DAB1: variants seen among roughly 807,000 people sequenced by gnomAD.
The protein encoded by DAB1 is disabled homolog 1.
In DAB1, 15 loss-of-function variants were observed where a neutral mutation model predicts 64.6. The ratio of observed to expected loss-of-function variants is 0.23; its 90% CI spans 0.16 to 0.36. The LOEUF (loss-of-function observed/expected upper bound fraction) is 0.36, where lower values mean the gene tolerates loss of function less well. DAB1 is among the 10% of genes least tolerant of loss of function. DAB1 has a pLI of 1.00. For missense variants in DAB1, 596 were observed against 706.7 expected, an observed-to-expected ratio of 0.84 and a Z score of 1.78; for synonymous variants, 235 against 251.9, an observed-to-expected ratio of 0.93 and a Z score of 0.64.
chr1:57,933,930 C>G (rs1644987757), intron 5 of DAB1, among the ~76,000 whole-genome samples: 1 of 151,036 alleles, frequency 6.6e-6, no homozygotes, highest in African/African-American at 2.4e-5. Context: ...GAGTCTCACT[C>G]TGTCGCCCAG....
chr1:57,530,328 T>C (rs1324362775), intron 7 of DAB1, among the ~76,000 whole-genome samples: 1 of 152,210 alleles, frequency 6.6e-6, no homozygotes, highest in Non-Finnish European at 1.5e-5. Flanking sequence ...CTATGTGCAG[T>C]ATGTAAATTG....
intron 9 of DAB1, among the ~76,000 whole-genome samples, chr1:57,034,790 C>A (rs184735728): frequency 6.6e-6 from 1 of 152,128 alleles, no homozygotes; most frequent in East Asian, 1.9e-4. Flanking sequence ...TTGAGGAGAG[C>A]TTTTGGCAAT....
chr1:57,889,824 T>G (rs1644279355), intron 5 of DAB1, among the ~76,000 whole-genome samples: 1 of 143,540 alleles, frequency 7.0e-6, no homozygotes, highest in South Asian at 2.2e-4. Context: ...TGAATCACAG[T>G]CTATGTGGGT....
At position 58,486,601 on chromosome 1, in the gene DAB1, T is replaced by C. The variant is rs143718322; in HGVS notation, n.257+19459A>G. Among the ~76,000 whole-genome samples the C allele has an allele frequency of 3.7e-3, 571 of 152,308 alleles. 2 individuals are homozygous for C. The highest frequency in any genetic ancestry group is 9.7e-3 in the African/African-American group (402 of 41,568). On this transcript the variant is annotated intron_variant and non_coding_transcript_variant, in intron 3 of 20. Coordinates refer to the DAB1 transcript ENST00000485760. ...CATAGGTACTATGGATACAGCAGTG[T>C]ACAAAGGCCTTACACACTAGGGTAA...
chr1:58,318,922 G>A (rs1170415515), intron 4 of DAB1, among the ~76,000 whole-genome samples: 1 of 152,150 alleles, frequency 6.6e-6, no homozygotes, highest in Non-Finnish European at 1.5e-5. Context: ...TGATAACATT[G>A]GTTCTAGAAG....
chr1:57,840,148 C>T (rs1652984540), intron 1 of DAB1, among the ~76,000 whole-genome samples: 2 of 152,134 alleles, frequency 1.3e-5, no homozygotes, highest in South Asian at 2.1e-4. Flanking sequence ...TTTATTTAGT[C>T]AACAGGATGC....
chr1:57,654,704 ATAAC>A (rs1223862795), intron 6 of DAB1, among the ~76,000 whole-genome samples: 3 of 136,160 alleles, frequency 2.2e-5, no homozygotes, highest in African/African-American at 5.7e-5. Context: ...CTCTTTTTAA[ATAAC>A]TAACTGTTTC....
chr1:57,288,755 A>G (rs1203683960), intron 2 of DAB1, among the ~76,000 whole-genome samples: 1 of 152,050 alleles, frequency 6.6e-6, no homozygotes, highest in Non-Finnish European at 1.5e-5. Flanking sequence ...GAGGAGGGAA[A>G]TGGAGAAAGA....
chr1:58,157,883 C>T (rs1179623072), intron 4 of DAB1, among the ~76,000 whole-genome samples: 3 of 152,154 alleles, frequency 2.0e-5, no homozygotes, highest in Non-Finnish European at 4.4e-5. Context: ...TGAGCTAACA[C>T]TTATGGGCAC....
In DAB1 at chr1:57,857,759, T is replaced by C. The variant is rs181450969; in HGVS notation, n.87+26240A>G. On this transcript the variant is annotated intron_variant and non_coding_transcript_variant, in intron 1 of 1. Transcript: ENST00000477280. The stretch of plus-strand genomic sequence containing the variant: ...GTTAGGCTTAGGTTTTATAGAGAAA[T>C]GTTTAAGATGTGACAAAGTTAAGAT... 9.8e-4 allele frequency among the ~76,000 whole-genome samples: 149 copies of C among 151,382 alleles called. 1 individual carries two copies. The highest frequency in any genetic ancestry group is 3.4e-3 in the Middle Eastern group (1 of 294).
chr1:58,416,335 TA>T (rs1644720079), intron 3 of DAB1, among the ~76,000 whole-genome samples: 1 of 152,176 alleles, frequency 6.6e-6, no homozygotes, highest in Non-Finnish European at 1.5e-5. Context: ...CCTTTGAACC[TA>T]CGTTTTTCCA....
intron 4 of DAB1, among the ~76,000 whole-genome samples, chr1:57,079,279 A>G (rs1377873303): frequency 1.3e-5 from 2 of 152,098 alleles, no homozygotes; most frequent in Non-Finnish European, 1.5e-5. Context: ...CTGCACTGTC[A>G]CTAACCCTCC....
At chr1:57,104,474 G>A (rs1654961409) in intron 4 of DAB1, among the ~76,000 whole-genome samples, 1 of 152,226 alleles carries the variant, frequency 6.6e-6, no homozygotes, top group African/African-American at 2.4e-5. Context: ...TTTAGAAAAG[G>A]TGTGCTGGGA....
chr1:58,478,294 C>G (rs889511802), intron 3 of DAB1, among the ~76,000 whole-genome samples: 2 of 152,172 alleles, frequency 1.3e-5, no homozygotes, highest in Non-Finnish European at 2.9e-5. Flanking sequence ...CCTCCCCAGC[C>G]ATGTAGAACT....
chr1:57,999,066 A>G (rs1411792169), intron 5 of DAB1, among the ~76,000 whole-genome samples: 4 of 152,196 alleles, frequency 2.6e-5, no homozygotes, highest in Non-Finnish European at 5.9e-5. Context: ...TGCTGTGAAT[A>G]TATCCATATA....
chr1:57,779,591 C>T (rs913514779), intron 6 of DAB1, among the ~76,000 whole-genome samples: 1 of 152,152 alleles, frequency 6.6e-6, no homozygotes, highest in African/African-American at 2.4e-5. Flanking sequence ...CCTGTTTGTA[C>T]AACGTAAATT....
At chr1:57,316,766 A>G (rs1195349247) in intron 1 of DAB1, among the ~76,000 whole-genome samples, 4 of 152,142 alleles carry the variant, frequency 2.6e-5, no homozygotes, top group Admixed American at 2.6e-4. Flanking sequence ...CCTCCTTCCT[A>G]ATCAAACCAA....
chr1:57,783,101 C>CTT (rs1650182496), intron 6 of DAB1, among the ~76,000 whole-genome samples: 5 of 56,728 alleles, frequency 8.8e-5, no homozygotes, highest in African/African-American at 1.8e-4. Context: ...CTCTCTCTCT[C>CTT]TTTTCTTTTT....
chr1:57,522,101 C>T (rs1644534454), intron 7 of DAB1, among the ~76,000 whole-genome samples: 1 of 149,358 alleles, frequency 6.7e-6, no homozygotes, highest in Non-Finnish European at 1.5e-5. Flanking sequence ...CAGAGCGAGA[C>T]TCCATCTCAA....
Sources: gnomAD v4.1 joint callset for allele counts (sites outside exome capture counted in the v4.1 genomes callset) on GRCh38, gnomAD v4.1.1 for gene constraint, MANE v1.5 for transcripts, NCBI Gene and HGNC (gene_info 2026-07-23, HGNC 2026-07-21) for gene names.